The following AFG1L variants were observed in gnomAD, a reference collection of about 807,000 sequenced individuals.
AFG1L encodes AFG1-like ATPase.
AFG1L carries 53 observed loss-of-function variants against 62.2 expected under a neutral mutation model. That is an observed-to-expected ratio of 0.85 (90% confidence interval 0.68 to 1.07). The LOEUF is 1.07. Ranked by LOEUF, AFG1L falls within the 50% of genes least tolerant of loss-of-function variation. The pLI is 0.00. For missense variants in AFG1L, 555 were observed against 590.5 expected (o/e 0.94, Z 0.62); for synonymous variants, 228 against 210.3 (o/e 1.08, Z -0.73).
rs562940426 is a variant in AFG1L at position 108,494,338 on chromosome 6, A to G, written c.1063-15874A>G. 2.6e-5 allele frequency among the ~76,000 whole-genome samples: 4 copies of G among 152,014 alleles called. No individual in the cohort carries two copies. The South Asian group carries it at 8.3e-4, about 32-fold the overall frequency. ...ATTTGGAGATCTCTTTATTACATAC[A>G]CAAAGCTGGTCGAGTAGAGTAGAGG... is the stretch of plus-strand genomic sequence containing the variant. On this transcript the variant is annotated intron_variant, in intron 10 of 12. Transcript: ENST00000368977.
At chr6:108,513,846 A>G (rs1400187938) in intron 11 of AFG1L, among the ~76,000 whole-genome samples, 2 of 152,216 alleles carry the variant, frequency 1.3e-5, no homozygotes, top group Admixed American at 6.5e-5. Flanking sequence ...CAAGTAGCCT[A>G]ACTGGGAGGC....
chr6:108,523,449 T>A lies in AFG1L; in HGVS notation c.*1024T>A, dbSNP rs1775204339. ...TGCTTCTTTGAGTAAAACCTGGCTTTACTAACTATTGTCACAAAGTGGATC... is the reference window on the plus strand; with the variant it reads ...TGCTTCTTTGAGTAAAACCTGGCTTAACTAACTATTGTCACAAAGTGGATC... On this transcript the variant is annotated 3_prime_UTR_variant, in exon 13 of 13. Transcript: ENST00000368977. 2 of 152,330 alleles carry A rather than the reference T, an allele frequency of 1.3e-5. No homozygotes were observed. Among genetic ancestry groups the A allele is most frequent in the East Asian group, 1.9e-4 (1 of 5,172 alleles). The allele number at this position is 152,330 out of a possible 1,614,324, so 9.4% of individuals were successfully genotyped here.
intron 1 of AFG1L, among the ~76,000 whole-genome samples, chr6:108,320,244 G>C (rs183043211): frequency 1.8e-3 from 268 of 152,308 alleles, no homozygotes; most frequent in African/African-American, 5.4e-3. Flanking sequence ...AGTACATGGA[G>C]GCTATACATT....
intron 2 of AFG1L, among the ~76,000 whole-genome samples, chr6:108,342,729 C>T (rs942957608): frequency 2.6e-5 from 4 of 151,994 alleles, no homozygotes; most frequent in African/African-American, 9.7e-5. Context: ...AGTAAAAATA[C>T]GTGGAGTATA....
intron 1 of AFG1L, among the ~76,000 whole-genome samples, chr6:108,306,074 T>A (rs2114827776): frequency 6.6e-6 from 1 of 152,286 alleles, no homozygotes; most frequent in East Asian, 1.9e-4. Flanking sequence ...TGGCTAATTT[T>A]TGTATTTTTA....
intron 2 of AFG1L, among the ~76,000 whole-genome samples, chr6:108,329,446 C>G (rs537184866): frequency 1.3e-4 from 19 of 151,868 alleles, no homozygotes; most frequent in African/African-American, 4.6e-4. Flanking sequence ...TTACAGGCGC[C>G]CACCACCACG....
At chr6:108,501,912 CA>C (rs376843640) in intron 10 of AFG1L, among the ~76,000 whole-genome samples, 6 of 151,972 alleles carry the variant, frequency 3.9e-5, no homozygotes, top group African/African-American at 1.4e-4. Flanking sequence ...AGCATTATGT[CA>C]AAAAAATACA....
chr6:108,476,120 A>C (rs1008587816), intron 8 of AFG1L, among the ~76,000 whole-genome samples: 5 of 152,190 alleles, frequency 3.3e-5, no homozygotes, highest in African/African-American at 1.2e-4. Context: ...CCTCTTAAAA[A>C]AAAAAGGCGA....
intron 2 of AFG1L, among the ~76,000 whole-genome samples, chr6:108,329,503 T>C (rs1436120857): frequency 6.6e-6 from 1 of 151,852 alleles, no homozygotes; most frequent in Non-Finnish European, 1.5e-5. Flanking sequence ...TTCACCATGT[T>C]GGTCAGGCTG....
chr6:108,453,741 G>T (rs80053007), intron 8 of AFG1L, among the ~76,000 whole-genome samples: 9,808 of 152,278 alleles, frequency 0.064, 418 homozygotes, highest in Middle Eastern at 0.14. Flanking sequence ...CCCAGCTTCT[G>T]CCTCTAAGGT....
At chr6:108,414,843 C>T (rs1782287260) in intron 7 of AFG1L, among the ~76,000 whole-genome samples, 1 of 152,136 alleles carries the variant, frequency 6.6e-6, no homozygotes, top group South Asian at 2.1e-4. Context: ...TGGAAGCATT[C>T]CCTTTGAAAA....
chr6:108,307,998 C>T lies in AFG1L; in HGVS notation c.139+12780C>T, dbSNP rs1777269522. Reference sequence around the variant, plus strand: ...TTTGTGACATGCACATTGTCTGTTTCTTAATGAGTTGTAGTTCTTTATATA... The same window carrying T: ...TTTGTGACATGCACATTGTCTGTTTTTTAATGAGTTGTAGTTCTTTATATA... On this transcript the variant is annotated intron_variant, in intron 1 of 12. Coordinates refer to ENST00000368977, the MANE Select transcript of AFG1L (RefSeq NM_145315.5). Among the ~76,000 whole-genome samples the T allele has an allele frequency of 2.6e-5, 4 of 152,202 alleles. 1 individual carries two copies. In the South Asian group the frequency reaches 6.2e-4, roughly 24 times the overall value.
In AFG1L at chr6:108,510,204, T is replaced by C; in HGVS notation, c.1063-8T>C. The C allele has an allele frequency of 6.3e-7, 1 of 1,588,870 alleles. No individual in the cohort carries two copies. Among genetic ancestry groups the C allele is most frequent in the Non-Finnish European group, 8.5e-7 (1 of 1,171,978 alleles). ...TTTTAAGTTTTCTTTTATTTCATTTTATCATAGCCACTTGGAGCCAGTGAC... is the reference window on the plus strand; with the variant it reads ...TTTTAAGTTTTCTTTTATTTCATTTCATCATAGCCACTTGGAGCCAGTGAC... On this transcript the variant is annotated splice_polypyrimidine_tract_variant and splice_region_variant and intron_variant, in intron 10 of 12. Coordinates refer to ENST00000368977, the MANE Select transcript of AFG1L (RefSeq NM_145315.5).
intron 7 of AFG1L, among the ~76,000 whole-genome samples, chr6:108,420,764 G>A (rs1770551182): frequency 6.6e-6 from 1 of 151,924 alleles, no homozygotes; most frequent in Non-Finnish European, 1.5e-5. Flanking sequence ...TTATATATTT[G>A]TAGTTATCTG....
chr6:108,448,748 T>C (rs1771922019), intron 8 of AFG1L, among the ~76,000 whole-genome samples: 1 of 152,154 alleles, frequency 6.6e-6, no homozygotes, highest in African/African-American at 2.4e-5. Flanking sequence ...TCAGTTTTGA[T>C]CTTTAAAAAT....
Position 108,451,903 on chromosome 6 carries a change from C to T in AFG1L, c.890+4607C>T, listed in dbSNP as rs572847505. ...CTAATTTTTGTATTTTTAGTGGAGA[C>T]GGGGTTTTGCCAGATTTGCCCGGCT... On this transcript the variant is annotated intron_variant, in intron 8 of 12. Transcript: ENST00000368977. Among the ~76,000 whole-genome samples the T allele has an allele frequency of 1.2e-4, 18 of 152,058 alleles. No homozygotes were observed. The South Asian group carries it at 2.9e-3, about 25-fold the overall frequency.
chr6:108,431,396 G>A (rs1237280478), intron 7 of AFG1L, among the ~76,000 whole-genome samples: 4 of 151,924 alleles, frequency 2.6e-5, no homozygotes, highest in Non-Finnish European at 5.9e-5. Flanking sequence ...GAGCCACCGC[G>A]CCTGGCTATT....
At chr6:108,352,170 A>C (rs1185864324) in intron 3 of AFG1L, among the ~76,000 whole-genome samples, 1 of 152,174 alleles carries the variant, frequency 6.6e-6, no homozygotes, top group African/African-American at 2.4e-5. Flanking sequence ...CTGGCCTGGC[A>C]ACCACCATTC....
chr6:108,436,209 A>G (rs74622476), intron 7 of AFG1L, among the ~76,000 whole-genome samples: 4,711 of 152,160 alleles, frequency 0.031, 224 homozygotes, highest in African/African-American at 0.11. Flanking sequence ...CAGTGTCACA[A>G]TCTTGGCTCA....
Sources: allele counts gnomAD v4.1 joint callset (sites outside exome capture counted in the v4.1 genomes callset), GRCh38; gene constraint gnomAD v4.1.1; transcripts MANE v1.5; gene names NCBI Gene and HGNC (gene_info 2026-07-23, HGNC 2026-07-21).